The following RHOD variants were observed in gnomAD, a reference collection of about 807,000 sequenced individuals.
The protein encoded by RHOD is rho-related GTP-binding protein RhoD.
In RHOD, 11 loss-of-function variants were observed where a neutral mutation model predicts 16.7. The observed-to-expected ratio is 0.66, with a 90% CI of 0.41 to 1.09. The LOEUF (loss-of-function observed/expected upper bound fraction) is 1.09. Among genes scored for constraint, RHOD ranks in the 50% least tolerant of loss-of-function variants. The pLI is 0.00. For missense variants in RHOD, 271 were observed against 291.7 expected, an observed-to-expected ratio of 0.93 and a Z score of 0.52; for synonymous variants, 124 against 126.3, an observed-to-expected ratio of 0.98 and a Z score of 0.12.
In RHOD at chr11:67,063,847, C is replaced by T. The variant is rs1470269240; in HGVS notation, c.133-2049C>T. Reference sequence around the variant, plus strand: ...AAAAGCCCGGGTACAGTGGCTCATGCCTGTAACCCCAGCACTTTGGGAGGC... The same window carrying T: ...AAAAGCCCGGGTACAGTGGCTCATGTCTGTAACCCCAGCACTTTGGGAGGC... On this transcript the variant is annotated intron_variant, in intron 1 of 4. Coordinates refer to ENST00000308831, the MANE Select transcript of RHOD (RefSeq NM_014578.4). Among the ~76,000 whole-genome samples the T allele has an allele frequency of 4.1e-5, 6 of 147,300 alleles. No homozygotes were observed. The East Asian group carries it at 1.0e-3, about 24-fold the overall frequency.
chr11:67,068,731 CG>C (rs1854989141), intron 3 of RHOD, among the ~76,000 whole-genome samples: 1 of 151,974 alleles, frequency 6.6e-6, no homozygotes, highest in Non-Finnish European at 1.5e-5. Context: ...TGCTTGAACC[CG>C]GGAGGCGGAG....
At chr11:67,070,192 T>C in intron 3 of RHOD, 1 of 613,638 alleles carries the variant, frequency 1.6e-6, no homozygotes, top group South Asian at 1.5e-5. Context: ...TTACCGCACC[T>C]GTACAGTGGG....
intron 1 of RHOD, among the ~76,000 whole-genome samples, chr11:67,059,953 G>A (rs756775451): frequency 1.2e-4 from 18 of 152,248 alleles, no homozygotes; most frequent in Non-Finnish European, 2.2e-4. Flanking sequence ...ATCTGGCTGT[G>A]ACCCAACCCT....
intron 4 of RHOD, among the ~76,000 whole-genome samples, chr11:67,070,842 T>C (rs1855020844): frequency 6.6e-6 from 1 of 152,100 alleles, no homozygotes; most frequent in African/African-American, 2.4e-5. Context: ...CACCCACATA[T>C]TCAGACCGTG....
intron 3 of RHOD, 99 bp from the exon 4 acceptor site, chr11:67,070,326 C>T (rs528463014): frequency 2.3e-6 from 3 of 1,296,750 alleles, no homozygotes; most frequent in African/African-American, 2.9e-5. Flanking sequence ...TTATCCATAT[C>T]AGAGCTCAGG....
chr11:67,065,534 C>A (rs945187343), intron 1 of RHOD, among the ~76,000 whole-genome samples: 1 of 151,986 alleles, frequency 6.6e-6, no homozygotes, highest in African/African-American at 2.4e-5. Flanking sequence ...CCATTCCCAG[C>A]TAATTTTTGT....
chr11:67,067,748 G>T (rs1460605431), intron 3 of RHOD, among the ~76,000 whole-genome samples: 2 of 152,026 alleles, frequency 1.3e-5, no homozygotes, highest in African/African-American at 4.8e-5. Flanking sequence ...GTTTGCTGAT[G>T]ATCAGAGTTT....
intron 1 of RHOD, among the ~76,000 whole-genome samples, chr11:67,065,062 G>A (rs1245596003): frequency 6.6e-6 from 1 of 151,794 alleles, no homozygotes; most frequent in Non-Finnish European, 1.5e-5. Flanking sequence ...TCCTTGTAGC[G>A]GCACTGCGGT....
At chr11:67,057,062 C>A in intron 1 of RHOD, 28 bp downstream of exon 1, 1 of 1,409,694 alleles carries the variant, frequency 7.1e-7, no homozygotes, top group South Asian at 1.6e-5. Context: ...CCGCCTCGCC[C>A]GGTTCCGCTC....
chr11:67,058,149 C>T (rs1046691955), intron 1 of RHOD, among the ~76,000 whole-genome samples: 4 of 152,146 alleles, frequency 2.6e-5, no homozygotes, highest in Non-Finnish European at 4.4e-5. Context: ...GCGCCCACCA[C>T]CACGCCTAGC....
At chr11:67,071,392 C>G in intron 4 of RHOD, 43 bp from the exon 5 acceptor site, 1 of 1,532,510 alleles carries the variant, frequency 6.5e-7, no homozygotes, top group Non-Finnish European at 8.8e-7. Context: ...TGAGGCCTGC[C>G]CAGTGCCCCC....
chr11:67,059,961 C>G (rs1451570994), intron 1 of RHOD, among the ~76,000 whole-genome samples: 1 of 152,226 alleles, frequency 6.6e-6, no homozygotes, highest in Non-Finnish European at 1.5e-5. Flanking sequence ...GTGACCCAAC[C>G]CTGGATTCAG....
At chr11:67,068,182 G>T (rs894389663) in intron 3 of RHOD, among the ~76,000 whole-genome samples, 2 of 152,224 alleles carry the variant, frequency 1.3e-5, no homozygotes, top group South Asian at 4.1e-4. Flanking sequence ...TCGGGAGTGG[G>T]ACATCCTAGT....
chr11:67,064,834 A>G (rs1352108310), intron 1 of RHOD, among the ~76,000 whole-genome samples: 1 of 152,018 alleles, frequency 6.6e-6, no homozygotes, highest in Non-Finnish European at 1.5e-5. Flanking sequence ...GCTTGAGCCC[A>G]GGAGTTTGGG....
At chr11:67,058,331 G>T (rs527722070) in intron 1 of RHOD, among the ~76,000 whole-genome samples, 2 of 152,208 alleles carry the variant, frequency 1.3e-5, no homozygotes, top group African/African-American at 4.8e-5. Context: ...GCGTGCCACC[G>T]TGCCCAGCTA....
chr11:67,057,092 T>C (rs1854822510), intron 1 of RHOD, 58 bp downstream of exon 1: 3 of 1,369,938 alleles, frequency 2.2e-6, no homozygotes, highest in Non-Finnish European at 2.8e-6. Context: ...GGTGTACAGG[T>C]CCGTGCCGGA....
intron 1 of RHOD, among the ~76,000 whole-genome samples, chr11:67,057,651 C>G (rs1272724728): frequency 6.6e-6 from 1 of 152,246 alleles, no homozygotes; most frequent in Non-Finnish European, 1.5e-5. Context: ...AGCACGCCAG[C>G]TGTAGCCTCA....
chr11:67,071,697 C>T lies in RHOD; in HGVS notation c.*95C>T. On this transcript the variant is annotated 3_prime_UTR_variant, in exon 5 of 5. Coordinates refer to ENST00000308831, the MANE Select transcript of RHOD (RefSeq NM_014578.4). Reference sequence around the variant, plus strand: ...GACCCGGTCCCTAGGCTGTGACCGCCGAACTCCACTGCAACAGACGGGCGC... The same window carrying T: ...GACCCGGTCCCTAGGCTGTGACCGCTGAACTCCACTGCAACAGACGGGCGC... 1.6e-6 allele frequency: 2 copies of T among 1,268,488 alleles called. No homozygotes were observed. Among genetic ancestry groups the T allele is most frequent in the Non-Finnish European group, 2.1e-6 (2 of 942,930 alleles). The allele number at this position is 1,268,488 out of a possible 1,614,324, so 78.6% of individuals were successfully genotyped here.
chr11:67,058,696 G>A (rs1049361651), intron 1 of RHOD, among the ~76,000 whole-genome samples: 2 of 152,154 alleles, frequency 1.3e-5, no homozygotes, highest in African/African-American at 4.8e-5. Flanking sequence ...GGACGGTCGG[G>A]CCTACCCCAG....
Sources: allele counts gnomAD v4.1 joint callset (sites outside exome capture counted in the v4.1 genomes callset), GRCh38; gene constraint gnomAD v4.1.1; transcripts MANE v1.5; gene names NCBI Gene and HGNC (gene_info 2026-07-23, HGNC 2026-07-21).